MFN1: variants seen among roughly 807,000 people sequenced by gnomAD.
MFN1 encodes mitofusin-1.
MFN1 carries 65 observed loss-of-function variants against 92.4 expected under a neutral mutation model. The observed-to-expected ratio is 0.70, with a 90% confidence interval of 0.58 to 0.86. The LOEUF (loss-of-function observed/expected upper bound fraction) is 0.86, where lower values mean the gene tolerates loss of function less well. Ranked by LOEUF, MFN1 falls within the 40% of genes least tolerant of loss-of-function variation. MFN1 has a pLI of 0.00. For missense variants in MFN1, 781 were observed against 868.0 expected (o/e 0.90, Z 1.26); for synonymous variants, 297 against 300.9 (o/e 0.99, Z 0.13).
intron 2 of MFN1, among the ~76,000 whole-genome samples, chr3:179,351,436 C>T (rs543741789): frequency 2.0e-5 from 3 of 152,230 alleles, no homozygotes; most frequent in South Asian, 2.1e-4. Flanking sequence ...GCAGATAGAA[C>T]GTGGTAAAGT....
At chr3:179,351,204 T>C (rs1323655191) in intron 2 of MFN1, among the ~76,000 whole-genome samples, 1 of 152,222 alleles carries the variant, frequency 6.6e-6, no homozygotes, top group Non-Finnish European at 1.5e-5. Flanking sequence ...GATTTTTCTA[T>C]TTTTCAAACC....
At chr3:179,372,053 T>TATTATA (rs1560195862) in intron 9 of MFN1, among the ~76,000 whole-genome samples, 6 of 147,010 alleles carry the variant, frequency 4.1e-5, no homozygotes, top group African/African-American at 1.5e-4. Context: ...TTATATATAT[T>TATTATA]TATTATATAT....
At position 179,378,829 on chromosome 3, in the gene MFN1, A is replaced by C; in HGVS notation, c.1662+15A>C. The C allele has an allele frequency of 6.4e-7, 1 of 1,562,416 alleles. No homozygotes were observed. Among genetic ancestry groups the C allele is most frequent in the Non-Finnish European group, 8.8e-7 (1 of 1,135,526 alleles). On this transcript the variant is annotated intron_variant, in intron 14 of 17. Coordinates refer to ENST00000471841, the MANE Select transcript of MFN1 (RefSeq NM_033540.3). ...CTATCTTTCAGGTATGTATCTTTGA[A>C]TCTACCAATTAAGACTCTCCTTTAT...
chr3:179,377,218 T>C, intron 11 of MFN1, 50 bp downstream of exon 11: 1 of 1,577,828 alleles, frequency 6.3e-7, no homozygotes, highest in South Asian at 1.2e-5. Context: ...GAAATTATTT[T>C]TGATAATGCT....
Position 179,377,464 on chromosome 3 carries a change from G to T in MFN1, c.1329+16G>T. 7.0e-7 allele frequency: 1 copy of T among 1,433,008 alleles called. No homozygotes were observed. Among genetic ancestry groups the T allele is most frequent in the Non-Finnish European group, 9.7e-7 (1 of 1,033,534 alleles). 88.8% of individuals were successfully genotyped at this position (1,433,008 alleles called of 1,614,324 possible). ...ATATAAAAGTGTAAGTTAAAGTATA[G>T]ATAAAATTATTCAGAGACAGTTTCT... On this transcript the variant is annotated intron_variant, in intron 12 of 17. Coordinates refer to ENST00000471841, the MANE Select transcript of MFN1 (RefSeq NM_033540.3).
intron 2 of MFN1, among the ~76,000 whole-genome samples, chr3:179,350,539 A>G (rs1487214987): frequency 6.6e-6 from 1 of 152,216 alleles, no homozygotes; most frequent in Non-Finnish European, 1.5e-5. Context: ...CATGCTAGGC[A>G]CTAGTGAAAT....
chr3:179,353,220 ATTTTTTTTTTT>A (rs34658521), intron 3 of MFN1, among the ~76,000 whole-genome samples: 3 of 130,892 alleles, frequency 2.3e-5, no homozygotes, highest in Non-Finnish European at 3.2e-5. Flanking sequence ...CACCTGGCTA[ATTTTTTTTTTT>A]TTTTTTTGTA....
chr3:179,354,324 T>C (rs1712265740), intron 3 of MFN1, among the ~76,000 whole-genome samples: 1 of 152,222 alleles, frequency 6.6e-6, no homozygotes, highest in South Asian at 2.1e-4. Context: ...TACGAAACAA[T>C]AGCAAAAGAA....
intron 14 of MFN1, among the ~76,000 whole-genome samples, chr3:179,383,306 C>T (rs1454789848): frequency 1.3e-5 from 2 of 152,198 alleles, no homozygotes; most frequent in Non-Finnish European, 2.9e-5. Context: ...GTTTTCCCAG[C>T]ACCATTTGTT....
intron 17 of MFN1, 21 bp from the exon 18 acceptor site, chr3:179,391,957 TTGG>T (rs1292833870): frequency 3.5e-6 from 5 of 1,427,180 alleles, no homozygotes; most frequent in African/African-American, 1.4e-5. Flanking sequence ...AGTAATTAGA[TTGG>T]TGTTTTATTT....
rs772062147 is a variant in MFN1, at chr3:179,358,829, A to G, written c.249-11A>G. ...TATGTTTTGTTTTTCATGATTTTGT[A>G]TATTCTTCAGGACAAGCAGTGGGAA... On this transcript the variant is annotated splice_polypyrimidine_tract_variant and intron_variant, in intron 3 of 17. Transcript: ENST00000471841. 5 of 1,602,926 alleles carry G rather than the reference A, an allele frequency of 3.1e-6. 1 individual carries two copies. The highest frequency in any genetic ancestry group is 2.2e-5 in the South Asian group (2 of 89,694).
intron 3 of MFN1, among the ~76,000 whole-genome samples, chr3:179,355,996 A>G (rs1314630362): frequency 6.6e-6 from 1 of 151,990 alleles, no homozygotes; most frequent in African/African-American, 2.4e-5. Flanking sequence ...AAAATTAGAA[A>G]GCATTGGTAT....
intron 15 of MFN1, 82 bp from the exon 16 acceptor site, chr3:179,386,351 A>G: frequency 5.5e-6 from 6 of 1,089,686 alleles, no homozygotes; most frequent in Non-Finnish European, 4.1e-6. Context: ...TCAAAGATCC[A>G]TAGGGAACTA....
At position 179,357,514 on chromosome 3, in the gene MFN1, T is replaced by A. The variant is rs112541246; in HGVS notation, c.249-1326T>A. 3.9e-5 allele frequency among the ~76,000 whole-genome samples: 6 copies of A among 152,302 alleles called. 1 individual carries two copies. The highest frequency in any genetic ancestry group is 1.4e-4 in the African/African-American group (6 of 41,568). On this transcript the variant is annotated intron_variant, in intron 3 of 17. Transcript: ENST00000471841. ...GGTTCCCTGGGAAGGGAGTTGGGAA[T>A]GATATCCATAACATAAAGAAAAGTT...
intron 14 of MFN1, among the ~76,000 whole-genome samples, chr3:179,381,049 T>G (rs543251477): frequency 6.6e-6 from 1 of 152,360 alleles, no homozygotes; most frequent in Admixed American, 6.5e-5. Flanking sequence ...ATTCATTAAC[T>G]GATGGCAAAA....
chr3:179,362,726 C>T (rs1227931807), intron 5 of MFN1, among the ~76,000 whole-genome samples: 1 of 152,042 alleles, frequency 6.6e-6, no homozygotes, highest in Non-Finnish European at 1.5e-5. Context: ...AGTGCAGTGC[C>T]GCAGTGCCAC....
At chr3:179,387,574 T>C (rs1464045979) in intron 16 of MFN1, among the ~76,000 whole-genome samples, 1 of 146,384 alleles carries the variant, frequency 6.8e-6, no homozygotes, top group Non-Finnish European at 1.5e-5. Context: ...CCTTAAGATA[T>C]TTGTGGTTTC....
Position 179,351,889 on chromosome 3 carries a change from C to A in MFN1, c.113-11C>A, listed in dbSNP as rs1285645756. ...TTATATCACTTTTCTAATGCCATTTCAATTTTGCAGCAACATATAAGAATC... is the reference window on the plus strand; with the variant it reads ...TTATATCACTTTTCTAATGCCATTTAAATTTTGCAGCAACATATAAGAATC... On this transcript the variant is annotated splice_polypyrimidine_tract_variant and intron_variant, in intron 2 of 17. Coordinates refer to ENST00000471841, the MANE Select transcript of MFN1 (RefSeq NM_033540.3). The A allele has an allele frequency of 6.3e-7, 1 of 1,586,638 alleles. No individual in the cohort carries two copies. The highest frequency in any genetic ancestry group is 8.6e-7 in the Non-Finnish European group (1 of 1,160,700).
At chr3:179,355,611 A>G (rs1474117844) in intron 3 of MFN1, among the ~76,000 whole-genome samples, 1 of 152,188 alleles carries the variant, frequency 6.6e-6, no homozygotes, top group African/African-American at 2.4e-5. Context: ...GTGTGTAATG[A>G]AAAACAATGA....
Sources: allele counts gnomAD v4.1 joint callset (sites outside exome capture counted in the v4.1 genomes callset), GRCh38; gene constraint gnomAD v4.1.1; transcripts MANE v1.5; gene names NCBI Gene and HGNC (gene_info 2026-07-23, HGNC 2026-07-21).